LRP1B: variants seen among roughly 807,000 people sequenced by gnomAD.
LRP1B encodes the protein low-density lipoprotein receptor-related protein 1B.
A neutral mutation model predicts 556.6 loss-of-function variants in LRP1B; 217 were observed. The observed-to-expected ratio is 0.39, with a 90% confidence interval of 0.35 to 0.44. The LOEUF is 0.44. Among genes scored for constraint, LRP1B ranks in the 20% least tolerant of loss-of-function variants. The probability of loss-of-function intolerance (pLI) is 1.00; values close to 1 mark genes in which losing one functional copy is unlikely to be tolerated. For missense variants in LRP1B, 5,053 were observed against 5,620.8 expected (o/e 0.90, Z 3.23); for synonymous variants, 2,047 against 1,865.8 (o/e 1.10, Z -2.50).
At chr2:140,357,470 T>C (rs375310371) in intron 74 of LRP1B, among the ~76,000 whole-genome samples, 14 of 151,232 alleles carry the variant, frequency 9.3e-5, no homozygotes, top group African/African-American at 3.2e-4. Flanking sequence ...TTCTTTAATA[T>C]AAAAAATCAA....
chr2:141,425,419 C>A (rs1041289722), intron 3 of LRP1B, among the ~76,000 whole-genome samples: 2 of 150,562 alleles, frequency 1.3e-5, no homozygotes, highest in Non-Finnish European at 3.0e-5. Flanking sequence ...ACTTATATTC[C>A]TTTGGGTATA....
chr2:141,933,116 C>CTTTT (rs1227934803), intron 1 of LRP1B, among the ~76,000 whole-genome samples: 1 of 151,668 alleles, frequency 6.6e-6, no homozygotes, highest in Non-Finnish European at 1.5e-5. Flanking sequence ...TTTTTAAAAT[C>CTTTT]TAAATAATCT....
In LRP1B at chr2:142,115,587, ATATAT is replaced by A. The variant is rs1311535716; in HGVS notation, c.82+15056_82+15060del. 4.3e-5 allele frequency among the ~76,000 whole-genome samples: 2 copies of A among 46,646 alleles called. 1 individual carries two copies. Among genetic ancestry groups the A allele is most frequent in the Non-Finnish European group, 7.8e-5 (2 of 25,612 alleles). The allele number at this position is 46,646 out of a possible 152,430, so 30.6% of individuals were successfully genotyped here. Reference sequence around the variant, plus strand: ...GTAATATATATTATATATGTAATATATATATTATATATGTAATATATATTATATAT... The same window carrying A: ...GTAATATATATTATATATGTAATATATATATATGTAATATATATTATATAT... On this transcript the variant is annotated intron_variant, in intron 1 of 90. Coordinates refer to ENST00000389484, the MANE Select transcript of LRP1B (RefSeq NM_018557.3).
At chr2:141,781,041 G>A in intron 2 of LRP1B, among the ~76,000 whole-genome samples, 1 of 152,070 alleles carries the variant, frequency 6.6e-6, no homozygotes, top group Non-Finnish European at 1.5e-5. Flanking sequence ...TAAGAGAATA[G>A]AGACCCAGAG....
At chr2:141,265,895 T>A (rs1365158218) in intron 3 of LRP1B, among the ~76,000 whole-genome samples, 1 of 152,218 alleles carries the variant, frequency 6.6e-6, no homozygotes, top group Admixed American at 6.5e-5. Context: ...CAGAATTGTT[T>A]CTGAGAAGTG....
intron 1 of LRP1B, among the ~76,000 whole-genome samples, chr2:141,883,782 T>C (rs933116700): frequency 6.6e-6 from 1 of 152,022 alleles, no homozygotes; most frequent in African/African-American, 2.4e-5. Flanking sequence ...AACAAAAAGA[T>C]TGAATTATTT....
intron 19 of LRP1B, 32 bp downstream of exon 19, chr2:140,951,828 T>A (rs1304560808): frequency 5.2e-6 from 8 of 1,545,716 alleles, no homozygotes; most frequent in Non-Finnish European, 7.1e-6. Flanking sequence ...CCCGATCAAA[T>A]TAGTGCTATA....
chr2:140,864,072 C>A (rs1050850334), intron 27 of LRP1B, among the ~76,000 whole-genome samples: 4 of 151,914 alleles, frequency 2.6e-5, no homozygotes, highest in Non-Finnish European at 5.9e-5. Context: ...GGCTGTTAGA[C>A]CTTGAGCAAT....
chr2:142,052,634 C>T (rs180736336), intron 1 of LRP1B, among the ~76,000 whole-genome samples: 21 of 152,178 alleles, frequency 1.4e-4, no homozygotes, highest in Admixed American at 3.9e-4. Flanking sequence ...TGTCCAGGTG[C>T]GCTCTCAGGG....
rs534786575 is a variant in LRP1B, at chr2:140,317,227, C to CT, written c.12641-2129dup. Reference sequence around the variant, plus strand: ...CTCCACCCCAAAGGTAATGTGGTGTCTTGGAAGGGTAATGTACTGGCAGGG... The same window carrying CT: ...CTCCACCCCAAAGGTAATGTGGTGTCTTTGGAAGGGTAATGTACTGGCAGGG... On this transcript the variant is annotated intron_variant, in intron 82 of 90. Transcript: ENST00000389484. 2.4e-4 allele frequency among the ~76,000 whole-genome samples: 36 copies of CT among 152,044 alleles called. No individual in the cohort carries two copies. The East Asian group carries it at 6.0e-3, about 25-fold the overall frequency.
At chr2:141,793,214 T>C (rs1695680734) in intron 2 of LRP1B, among the ~76,000 whole-genome samples, 1 of 152,016 alleles carries the variant, frequency 6.6e-6, no homozygotes, top group South Asian at 2.1e-4. Context: ...TTGTTTTAAA[T>C]CACAATTTTG....
intron 2 of LRP1B, among the ~76,000 whole-genome samples, chr2:141,697,090 C>A (rs966183352): frequency 3.3e-5 from 5 of 151,758 alleles, no homozygotes; most frequent in African/African-American, 1.2e-4. Flanking sequence ...CATGTTTAAA[C>A]ATAACACATA....
At chr2:141,813,411 C>T (rs1696423534) in intron 1 of LRP1B, among the ~76,000 whole-genome samples, 1 of 152,028 alleles carries the variant, frequency 6.6e-6, no homozygotes, top group South Asian at 2.1e-4. Context: ...GTGAGAGTGA[C>T]ACCCATTTGA....
Position 140,690,592 on chromosome 2 carries a change from C to T in LRP1B, c.6799+9658G>A, listed in dbSNP as rs147296934. Among the ~76,000 whole-genome samples the T allele has an allele frequency of 3.9e-3, 600 of 152,302 alleles. 4 individuals carry two copies. Among genetic ancestry groups the T allele is most frequent in the African/African-American group, 0.013 (524 of 41,564 alleles). ...AGATAGACTCAGGAAATTTTGAATT[C>T]ATGGAAGCCAGACTGAAACTAATTT... is the stretch of plus-strand genomic sequence containing the variant. On this transcript the variant is annotated intron_variant, in intron 41 of 90. Transcript: ENST00000389484.
At chr2:141,070,215 C>A (rs1054243431) in intron 7 of LRP1B, among the ~76,000 whole-genome samples, 19 of 151,618 alleles carry the variant, frequency 1.3e-4, no homozygotes, top group African/African-American at 2.9e-4. Context: ...CAAAACCGCT[C>A]AACTACATGG....
intron 53 of LRP1B, 29 bp from the exon 54 acceptor site, chr2:140,503,132 A>T (rs2104896836): frequency 6.2e-7 from 1 of 1,606,590 alleles, no homozygotes. Flanking sequence ...CATTTGACTA[A>T]TTCACATAAC....
intron 25 of LRP1B, among the ~76,000 whole-genome samples, chr2:140,878,265 A>G (rs959436134): frequency 5.3e-5 from 8 of 152,180 alleles, no homozygotes; most frequent in African/African-American, 1.9e-4. Context: ...ATTTTTAAAA[A>G]TGTACCAGAG....
At chr2:140,861,914 C>G (rs1692808737) in intron 27 of LRP1B, among the ~76,000 whole-genome samples, 1 of 152,184 alleles carries the variant, frequency 6.6e-6, no homozygotes, top group Non-Finnish European at 1.5e-5. Context: ...CACGCTTTCT[C>G]TTTTTGTCCT....
rs189398151 is a variant in LRP1B at position 141,120,888 on chromosome 2, G to C, written c.1014-58615C>G. On this transcript the variant is annotated intron_variant, in intron 7 of 90. Transcript: ENST00000389484. ...AAGTAAGATGCTTCTCAATTCAACT[G>C]CACATTGCAGAGTCCACCATGCATT... Among the ~76,000 whole-genome samples, 502 of 152,048 alleles carry C rather than the reference G, an allele frequency of 3.3e-3. 5 individuals carry two copies. Among genetic ancestry groups the C allele is most frequent in the African/African-American group, 0.012 (490 of 41,538 alleles).
Sources: allele counts gnomAD v4.1 joint callset (sites outside exome capture counted in the v4.1 genomes callset), GRCh38; gene constraint gnomAD v4.1.1; transcripts MANE v1.5; gene names NCBI Gene and HGNC (gene_info 2026-07-23, HGNC 2026-07-21).